TRAP1: variants seen among roughly 807,000 people sequenced by gnomAD.
The protein encoded by TRAP1 is TNF receptor associated protein 1.
A neutral mutation model predicts 89.1 loss-of-function variants in TRAP1; 102 were observed. The ratio of observed to expected loss-of-function variants is 1.15; its 90% CI spans 0.98 to 1.35. TRAP1 has a LOEUF of 1.35. Ranked by LOEUF, TRAP1 falls within the 40% of genes most tolerant of loss-of-function variation. The pLI, the probability that TRAP1 is intolerant of heterozygous loss-of-function variation, is 0.00. For missense variants in TRAP1, 1,256 were observed against 945.3 expected (o/e 1.33, Z -4.31); for synonymous variants, 508 against 388.0 (o/e 1.31, Z -3.64).
intron 1 of TRAP1, among the ~76,000 whole-genome samples, chr16:3,696,570 T>C (rs923047779): frequency 9.9e-5 from 15 of 152,168 alleles, no homozygotes; most frequent in African/African-American, 3.6e-4. Flanking sequence ...GTTACTACTA[T>C]TTTGAGACAG....
At chr16:3,686,908 T>C (rs1255232287) in intron 3 of TRAP1, 2 of 152,066 alleles carry the variant, frequency 1.3e-5, no homozygotes, top group East Asian at 3.9e-4. Flanking sequence ...AAGGCGGAGG[T>C]TGCAGTGAGC....
intron 9 of TRAP1, among the ~76,000 whole-genome samples, chr16:3,673,705 G>A (rs755296441): frequency 1.3e-5 from 2 of 152,220 alleles, no homozygotes; most frequent in Non-Finnish European, 2.9e-5. Flanking sequence ...CAGGACATTA[G>A]GAGAGTTTCC....
At chr16:3,658,740 T>G (rs2042878174) in intron 17 of TRAP1, 53 bp downstream of exon 17, 3 of 1,541,398 alleles carry the variant, frequency 1.9e-6, no homozygotes, top group Non-Finnish European at 2.7e-6. Context: ...GAAGGCAGGC[T>G]GGCAGGGCTG....
rs147585171 is a variant in TRAP1 at position 3,697,246 on chromosome 16, C to A, written c.89-6261G>T. The stretch of plus-strand genomic sequence containing the variant: ...CTCTTATTATAAGCAAAACTGAGCA[C>A]TGTCCCGTATTTTTAAATATTTCCT... On this transcript the variant is annotated intron_variant, in intron 1 of 17. Transcript: ENST00000246957. Among the ~76,000 whole-genome samples the A allele has an allele frequency of 1.5e-3, 231 of 152,324 alleles. No individual in the cohort carries two copies. The Middle Eastern group carries it at 0.041, about 27-fold the overall frequency.
At chr16:3,683,382 A>G (rs1342286877) in intron 4 of TRAP1, among the ~76,000 whole-genome samples, 1 of 151,580 alleles carries the variant, frequency 6.6e-6, no homozygotes, top group Admixed American at 6.6e-5. Flanking sequence ...TAATATACTA[A>G]CATTTCTTTT....
At chr16:3,702,227 A>C (rs1199568113) in intron 1 of TRAP1, among the ~76,000 whole-genome samples, 1 of 151,736 alleles carries the variant, frequency 6.6e-6, no homozygotes, top group Admixed American at 6.6e-5. Context: ...TGAGGAATTC[A>C]GTCTAGGGGC....
intron 1 of TRAP1, among the ~76,000 whole-genome samples, chr16:3,706,456 CTTTTTTTTTTT>C (rs34658116): frequency 2.0e-5 from 2 of 98,974 alleles, no homozygotes; most frequent in Non-Finnish European, 3.9e-5. Context: ...TATTTGCACT[CTTTTTTTTTTT>C]TTTTTTTTTT....
rs2050987206 is a variant in TRAP1 at position 3,675,995 on chromosome 16, C to A, written c.814+41G>T. 3.9e-6 allele frequency: 6 copies of A among 1,558,392 alleles called. No individual in the cohort carries two copies. In the East Asian group the frequency reaches 1.1e-4, roughly 29 times the overall value. ...CTGACCTGGTGGCCTCCAGGCCACA[C>A]ATGGATCCCAGAGTGAGCCTGGGCC... On this transcript the variant is annotated intron_variant, in intron 7 of 17. Transcript: ENST00000246957.
At chr16:3,659,081 T>C (rs1292394074) in intron 16 of TRAP1, 1 of 540,820 alleles carries the variant, frequency 1.8e-6, no homozygotes, top group Non-Finnish European at 3.3e-6. Context: ...TGCTGTAAGG[T>C]AGCCAAACTC....
intron 1 of TRAP1, among the ~76,000 whole-genome samples, chr16:3,709,264 TC>T (rs2051494443): frequency 6.7e-6 from 1 of 148,776 alleles, no homozygotes; most frequent in South Asian, 2.1e-4. Context: ...GGCCATTGGT[TC>T]AAGAGAAAAA....
chr16:3,661,883 G>A, intron 16 of TRAP1, 104 bp downstream of exon 16: 1 of 1,393,900 alleles, frequency 7.2e-7, no homozygotes, highest in Admixed American at 2.7e-5. Flanking sequence ...ATGTCCACAG[G>A]CCTCACGCAC....
chr16:3,675,460 A>G (rs1372816362), intron 7 of TRAP1, 63 bp from the exon 8 acceptor site: 10 of 1,539,844 alleles, frequency 6.5e-6, no homozygotes, highest in Non-Finnish European at 9.0e-6. Context: ...CAAGCTTTGC[A>G]GCAGCTCCAG....
chr16:3,708,268 C>G (rs1404457100), intron 1 of TRAP1, among the ~76,000 whole-genome samples: 1 of 151,980 alleles, frequency 6.6e-6, no homozygotes, highest in Admixed American at 6.6e-5. Context: ...CGGGCAGATC[C>G]CGAGGTCAAG....
chr16:3,679,840 G>A (rs369714892), intron 4 of TRAP1, 50 bp from the exon 5 acceptor site: 70 of 1,586,370 alleles, frequency 4.4e-5, no homozygotes, highest in African/African-American at 3.5e-4. Context: ...CTGGGGAGCC[G>A]GGTGAGTGCA....
chr16:3,667,147 G>A (rs1480657979), intron 11 of TRAP1, among the ~76,000 whole-genome samples: 1 of 152,126 alleles, frequency 6.6e-6, no homozygotes, highest in Non-Finnish European at 1.5e-5. Flanking sequence ...GGCCATGGTT[G>A]GGAAGAGCCT....
At chr16:3,680,080 A>T (rs2051054833) in intron 4 of TRAP1, 1 of 296,820 alleles carries the variant, frequency 3.4e-6, no homozygotes, top group African/African-American at 2.1e-5. Flanking sequence ...AAAAGAAATT[A>T]GCCAGGCATG....
chr16:3,710,636 C>T (rs912821802), intron 1 of TRAP1, among the ~76,000 whole-genome samples: 2 of 152,036 alleles, frequency 1.3e-5, no homozygotes, highest in Non-Finnish European at 2.9e-5. Context: ...CATTCCATTG[C>T]CTGACAAATG....
At chr16:3,717,284 T>C (rs2051610240) in intron 1 of TRAP1, 137 bp downstream of exon 1, 1 of 358,610 alleles carries the variant, frequency 2.8e-6, no homozygotes, top group Non-Finnish European at 4.9e-6. Flanking sequence ...AGTAAACGCG[T>C]CTGCCGCGCT....
At chr16:3,705,445 G>A (rs1055584660) in intron 1 of TRAP1, among the ~76,000 whole-genome samples, 5 of 151,970 alleles carry the variant, frequency 3.3e-5, no homozygotes, top group African/African-American at 1.2e-4. Flanking sequence ...TCTCCCACCA[G>A]CTCTTGGCAA....
Sources: allele counts gnomAD v4.1 joint callset (sites outside exome capture counted in the v4.1 genomes callset), GRCh38; gene constraint gnomAD v4.1.1; transcripts MANE v1.5; gene names NCBI Gene and HGNC (gene_info 2026-07-23, HGNC 2026-07-21).